The following PLEKHM2 variants were observed in gnomAD, a reference collection of about 807,000 sequenced individuals.
The protein encoded by PLEKHM2 is pleckstrin homology domain-containing family M member 2.
Under a neutral mutation model 116.3 loss-of-function variants are expected in PLEKHM2, and 77 were observed. That is an observed-to-expected ratio of 0.66 (90% CI 0.55 to 0.80). The LOEUF (loss-of-function observed/expected upper bound fraction) is 0.80, where lower values mean the gene tolerates loss of function less well. Ranked by LOEUF, PLEKHM2 falls within the 30% of genes least tolerant of loss-of-function variation. The pLI is 0.00. For synonymous variants in PLEKHM2, 562 were observed against 571.0 expected (o/e 0.98, Z 0.22); for missense variants, 1,183 against 1,354.9 (o/e 0.87, Z 1.99).
In PLEKHM2 at chr1:15,728,218, T is replaced by C. The variant is rs776869616; in HGVS notation, c.1831-49T>C. ...AGGCGGGATGGGCCACCGCCCCCGC[T>C]GGAGCGGCAGGAGCCACCTGCCTGA... On this transcript the variant is annotated intron_variant, in intron 10 of 19. Transcript: ENST00000375799. The surrounding 1 kb of genome is among the most constrained non-coding windows in gnomAD (Gnocchi z 5.9). 4.4e-6 allele frequency: 7 copies of C among 1,606,620 alleles called. No individual in the cohort carries two copies. In the Admixed American group the frequency reaches 1.2e-4, roughly 27 times the overall value.
chr1:15,723,892 G>T (rs1033278863), intron 7 of PLEKHM2, among the ~76,000 whole-genome samples: 1 of 152,254 alleles, frequency 6.6e-6, no homozygotes, highest in Non-Finnish European at 1.5e-5. Flanking sequence ...CGGGCAGACA[G>T]CGGCCAGCAA....
At chr1:15,682,218 G>A (rs1640659641), upstream of PLEKHM2, among the ~76,000 whole-genome samples, 1 of 151,602 alleles carries the variant, frequency 6.6e-6, no homozygotes, top group African/African-American at 2.4e-5. Context: ...TAAGGCCAAG[G>A]CGGGCAGATC....
chr1:15,732,589 C>A (rs778731829), intron 18 of PLEKHM2, 23 bp from the exon 19 acceptor site: 28 of 1,597,776 alleles, frequency 1.8e-5, no homozygotes, highest in East Asian at 1.4e-4. Context: ...TGGCTGCTCA[C>A]CCGGGGGCCT....
chr1:15,729,962 C>G lies in PLEKHM2; in HGVS notation c.2208+33C>G. 1 of 1,577,452 alleles carries G rather than the reference C, an allele frequency of 6.3e-7. No homozygotes were observed. The highest frequency in any genetic ancestry group is 8.6e-7 in the Non-Finnish European group (1 of 1,163,178). On this transcript the variant is annotated intron_variant, in intron 14 of 19. Transcript: ENST00000375799. This position sits in a 1 kb window ranked among gnomAD's most constrained non-coding sequence, Gnocchi z 4.7. ...CCTGGGGAGGAAGCTGAGTGCAGCCCCTGAGATGGCAGAGCAGCAGCCGCC... is the reference window on the plus strand; with the variant it reads ...CCTGGGGAGGAAGCTGAGTGCAGCCGCTGAGATGGCAGAGCAGCAGCCGCC...
chr1:15,716,586 G>A (rs927497226), intron 2 of PLEKHM2, 121 bp from the exon 3 acceptor site: 1 of 931,122 alleles, frequency 1.1e-6, no homozygotes, highest in Non-Finnish European at 1.7e-6. Context: ...TGTGCTGGGT[G>A]CCTGGGAGAC....
At chr1:15,724,437 C>T (rs575642089) in intron 7 of PLEKHM2, among the ~76,000 whole-genome samples, 17 of 151,562 alleles carry the variant, frequency 1.1e-4, no homozygotes, top group East Asian at 2.0e-4. Context: ...GAGCCGGGCT[C>T]GCGCCACTGC....
chr1:15,727,137 C>T lies in PLEKHM2; in HGVS notation c.1065C>T (p.Asn355=), dbSNP rs377142193. The T allele has an allele frequency of 5.1e-5, 82 of 1,592,768 alleles. No individual in the cohort carries two copies. Among genetic ancestry groups the T allele is most frequent in the South Asian group, 2.6e-4 (23 of 88,198 alleles). Residue 355 remains asparagine, a synonymous_variant, in exon 9 of 20, where the codon AAC becomes AAT. Transcript: ENST00000375799. This position sits in a 1 kb window ranked among gnomAD's most constrained non-coding sequence, Gnocchi z 7.5. ...CAKQGDGDSR[N]GSPSLGRDSP... is the part of the protein sequence containing the mutation. ...AGCAGGGGGACGGTGACAGCCGCAA[C>T]GGCAGCCCAAGCCTTGGGCGGGACT...
rs766635802 is a variant in PLEKHM2, at chr1:15,727,000, C to T, written c.942-14C>T. On this transcript the variant is annotated splice_polypyrimidine_tract_variant and intron_variant, in intron 8 of 19. Coordinates refer to ENST00000375799, the MANE Select transcript of PLEKHM2 (RefSeq NM_015164.4). ...ACTCAGGGGTTAACACTCTCCCCGT[C>T]GTTACTGTCCCAGGGTCACCAAGAA... 8.3e-6 allele frequency: 12 copies of T among 1,449,770 alleles called. No individual in the cohort carries two copies. Among genetic ancestry groups the T allele is most frequent in the Non-Finnish European group, 9.1e-6 (10 of 1,096,662 alleles). The allele number at this position is 1,449,770 out of a possible 1,614,324, so 89.8% of individuals were successfully genotyped here.
rs2068088183 is a variant in PLEKHM2 at position 15,727,952 on chromosome 1, G to A, written c.1760+120G>A. Reference sequence around the variant, plus strand: ...ACCTAGCCTGAGTGAGAAGGGGTGTGAGCCTCCCTCCCTAACTTTGGCTCC... The same window carrying A: ...ACCTAGCCTGAGTGAGAAGGGGTGTAAGCCTCCCTCCCTAACTTTGGCTCC... On this transcript the variant is annotated intron_variant, in intron 9 of 19. Coordinates refer to ENST00000375799, the MANE Select transcript of PLEKHM2 (RefSeq NM_015164.4). This position sits in a 1 kb window ranked among gnomAD's most constrained non-coding sequence, Gnocchi z 7.5. 3 of 1,195,902 alleles carry A rather than the reference G, an allele frequency of 2.5e-6. No homozygotes were observed. Among genetic ancestry groups the A allele is most frequent in the South Asian group, 1.4e-5 (1 of 74,044 alleles). 74.1% of individuals were successfully genotyped at this position (1,195,902 alleles called of 1,614,324 possible).
chr1:15,684,721 C>T lies in PLEKHM2; in HGVS notation c.60+103C>T, dbSNP rs554836126. The T allele has an allele frequency of 5.9e-5, 34 of 571,856 alleles. No individual in the cohort carries two copies. The South Asian group carries it at 2.4e-3, about 41-fold the overall frequency. The allele number at this position is 571,856 out of a possible 1,614,324, so 35.4% of individuals were successfully genotyped here. On this transcript the variant is annotated intron_variant, in intron 1 of 19. Coordinates refer to ENST00000375799, the MANE Select transcript of PLEKHM2 (RefSeq NM_015164.4). The stretch of plus-strand genomic sequence containing the variant: ...CGGGGCCCCCCGCCCTTCCCCTCCG[C>T]GACCCGGGGGGCGACGAGCGGCCGG...
At position 15,730,601 on chromosome 1, in the gene PLEKHM2, C is replaced by T; in HGVS notation, c.2278C>T (p.Pro760Ser). 1 of 1,606,370 alleles carries T rather than the reference C, an allele frequency of 6.2e-7. No individual in the cohort carries two copies. Among genetic ancestry groups the T allele is most frequent in the Non-Finnish European group, 8.5e-7 (1 of 1,177,174 alleles). Residue 760 changes from proline to serine, a missense_variant, in exon 15 of 20, where the codon CCC becomes TCC. Around this residue, in one of 3 missense-constraint regions of PLEKHM2, gnomAD observed 594 missense variants for 720.1 expected, o/e 0.82. Transcript: ENST00000375799. Reference protein sequence around the residue: ...WEDPTDESLGPTPCHCSPPEG... With the variant: ...WEDPTDESLGSTPCHCSPPEG... ...GGACCCCACAGACGAGTCCCTGGGC[C>T]CCACGCCCTGCCACTGCTCACCCCC... is the stretch of plus-strand genomic sequence containing the variant.
intron 1 of PLEKHM2, among the ~76,000 whole-genome samples, chr1:15,695,976 C>G (rs989955548): frequency 1.6e-4 from 12 of 74,386 alleles, no homozygotes; most frequent in African/African-American, 8.9e-4. Context: ...CTAATTTTTT[C>G]TATATTTTTT....
At chr1:15,712,845 T>G (rs10927838) in intron 1 of PLEKHM2, among the ~76,000 whole-genome samples, 106,458 of 151,290 alleles carry the variant, frequency 0.7, 38,976 homozygotes, top group African/African-American at 0.91. Context: ...TTTTCGCCCC[T>G]GCTGGAGTGC....
intron 1 of PLEKHM2, among the ~76,000 whole-genome samples, chr1:15,715,318 C>T (rs1641422510): frequency 6.6e-6 from 1 of 152,182 alleles, no homozygotes; most frequent in Non-Finnish European, 1.5e-5. Flanking sequence ...CCACTGCACT[C>T]CAGCCTGCAT....
intron 1 of PLEKHM2, among the ~76,000 whole-genome samples, chr1:15,710,220 C>A (rs1175854419): frequency 2.1e-5 from 3 of 140,820 alleles, no homozygotes; most frequent in African/African-American, 8.3e-5. Flanking sequence ...GAGCGAGACT[C>A]CATCTCCAAA....
chr1:15,697,996 T>C (rs2148337249), intron 1 of PLEKHM2, among the ~76,000 whole-genome samples: 1 of 152,264 alleles, frequency 6.6e-6, no homozygotes, highest in Admixed American at 6.5e-5. Flanking sequence ...GGCAAATGAA[T>C]GGTTAAGAAG....
Position 15,729,999 on chromosome 1 carries a change from G to C in PLEKHM2, c.2208+70G>C. Reference sequence around the variant, plus strand: ...GAGCAGCAGCCGCCTTGGCGTGAGCGTTAAGGGATGCACGTGGATGTCTTT... The same window carrying C: ...GAGCAGCAGCCGCCTTGGCGTGAGCCTTAAGGGATGCACGTGGATGTCTTT... On this transcript the variant is annotated intron_variant, in intron 14 of 19. Coordinates refer to ENST00000375799, the MANE Select transcript of PLEKHM2 (RefSeq NM_015164.4). The surrounding 1 kb of genome is among the most constrained non-coding windows in gnomAD (Gnocchi z 4.7). 9.0e-7 allele frequency: 1 copy of C among 1,109,106 alleles called. No homozygotes were observed. Among genetic ancestry groups the C allele is most frequent in the South Asian group, 1.4e-5 (1 of 73,770 alleles). 68.7% of individuals were successfully genotyped at this position (1,109,106 alleles called of 1,614,324 possible).
chr1:15,709,867 C>T (rs1285866057), intron 1 of PLEKHM2, among the ~76,000 whole-genome samples: 1 of 152,108 alleles, frequency 6.6e-6, no homozygotes, highest in Non-Finnish European at 1.5e-5. Flanking sequence ...ACTCCATGTT[C>T]CTGGATAGGA....
chr1:15,694,618 C>T (rs547197930), intron 1 of PLEKHM2, among the ~76,000 whole-genome samples: 129 of 152,140 alleles, frequency 8.5e-4, no homozygotes, highest in Non-Finnish European at 1.1e-3. Flanking sequence ...GTCCTTTCCG[C>T]GGGAGATTAA....
Sources: allele counts gnomAD v4.1 joint callset (sites outside exome capture counted in the v4.1 genomes callset), GRCh38; gene constraint gnomAD v4.1.1; regional missense constraint gnomAD v4.1.1; non-coding constraint Gnocchi (gnomAD v3.1); transcripts MANE v1.5; gene names NCBI Gene and HGNC (gene_info 2026-07-23, HGNC 2026-07-21).